Variants in SYNPR observed in about 807,000 individuals in gnomAD.
SYNPR encodes synaptoporin.
In SYNPR, 23 loss-of-function variants were observed where a neutral mutation model predicts 32.9. That is an observed-to-expected ratio of 0.70 (90% CI 0.50 to 0.99). SYNPR has a LOEUF of 0.99. SYNPR is among the 50% of genes least tolerant of loss of function. SYNPR has a pLI of 0.00. For synonymous variants in SYNPR, 146 were observed against 135.9 expected (o/e 1.07, Z -0.52); for missense variants, 318 against 349.3 (o/e 0.91, Z 0.71).
chr3:63,377,000 A>G (rs1216540015), intron 2 of SYNPR, among the ~76,000 whole-genome samples: 1 of 152,100 alleles, frequency 6.6e-6, no homozygotes, highest in East Asian at 1.9e-4. Context: ...CATGCCTTAC[A>G]CTAATTTCTC....
intron 2 of SYNPR, among the ~76,000 whole-genome samples, chr3:63,454,620 G>A (rs1356519570): frequency 1.3e-5 from 2 of 152,070 alleles, no homozygotes; most frequent in Admixed American, 1.3e-4. Flanking sequence ...ATAGGGATGT[G>A]GGAGACACAG....
intron 4 of SYNPR, 32 bp downstream of exon 4, chr3:63,556,773 C>T (rs1303741616): frequency 1.3e-6 from 2 of 1,559,880 alleles, no homozygotes; most frequent in African/African-American, 2.7e-5. Context: ...ATAACTTTTT[C>T]TGTTCCTTCT....
At chr3:63,307,241 G>A (rs2086917866) in intron 2 of SYNPR, among the ~76,000 whole-genome samples, 1 of 151,978 alleles carries the variant, frequency 6.6e-6, no homozygotes. Flanking sequence ...CAAGTTACAA[G>A]AATGAGCCAG....
Position 63,408,186 on chromosome 3 carries a change from G to GAAAGAA in SYNPR, c.85-72644_85-72639dup, listed in dbSNP as rs1553876918. The stretch of plus-strand genomic sequence containing the variant: ...AGAAAGAAAGAAAGAAAGAAAGAAA[G>GAAAGAA]AAAGAAAGAGGAAGGAAGGAAGGAA... On this transcript the variant is annotated intron_variant, in intron 2 of 5. Coordinates refer to ENST00000478300, the MANE Select transcript of SYNPR (RefSeq NM_001130003.2). Among the ~76,000 whole-genome samples the GAAAGAA allele has an allele frequency of 5.4e-4, 51 of 95,290 alleles. 2 individuals carry two copies. The highest frequency in any genetic ancestry group is 9.8e-4 in the Non-Finnish European group (47 of 47,978). 62.5% of individuals were successfully genotyped at this position (95,290 alleles called of 152,430 possible).
At chr3:63,262,028 A>C (rs79233372) in intron 2 of SYNPR, among the ~76,000 whole-genome samples, 1 of 9,294 alleles carries the variant, frequency 1.1e-4, no homozygotes, top group South Asian at 2.4e-3. Flanking sequence ...TAAGTATAAT[A>C]AAAAAAAAAA....
chr3:63,531,917 C>T (rs1465328576), intron 3 of SYNPR, among the ~76,000 whole-genome samples: 2 of 152,182 alleles, frequency 1.3e-5, no homozygotes, highest in Admixed American at 6.5e-5. Flanking sequence ...CATTTACCTA[C>T]TTCTATATGA....
At chr3:63,465,547 A>G (rs1392509738) in intron 2 of SYNPR, among the ~76,000 whole-genome samples, 2 of 152,072 alleles carry the variant, frequency 1.3e-5, no homozygotes, top group Non-Finnish European at 2.9e-5. Flanking sequence ...TTTAATGAAA[A>G]ATTTCAAACA....
chr3:63,540,960 C>CACACACACACACACACACACACAT (rs778647610), intron 3 of SYNPR, among the ~76,000 whole-genome samples: 1 of 147,882 alleles, frequency 6.8e-6, no homozygotes, highest in Admixed American at 6.9e-5. Context: ...CACACACACA[C>CACACACACACACACACACACACAT]ATATACATAG....
intron 3 of SYNPR, among the ~76,000 whole-genome samples, chr3:63,513,147 T>TCCCCCCCC (rs571099750): frequency 7.6e-6 from 1 of 131,956 alleles, no homozygotes; most frequent in African/African-American, 2.9e-5. Flanking sequence ...TCTCCACATA[T>TCCCCCCCC]CCCCCCCTCC....
chr3:63,502,462 A>T (rs1349870769), intron 3 of SYNPR, among the ~76,000 whole-genome samples: 1 of 152,120 alleles, frequency 6.6e-6, no homozygotes, highest in Non-Finnish European at 1.5e-5. Context: ...TACGGGTTTG[A>T]GTAAATGTAC....
At chr3:63,422,049 TTGCCACATAATGTAGGCTAA>T (rs1387496501) in intron 2 of SYNPR, among the ~76,000 whole-genome samples, 4 of 152,236 alleles carry the variant, frequency 2.6e-5, no homozygotes, top group African/African-American at 9.6e-5. Context: ...CTCTTCCCCT[TTGCCACATAATGTAGGCTAA>T]TCAGTGAGTG....
chr3:63,505,118 T>C (rs908580340), intron 3 of SYNPR, among the ~76,000 whole-genome samples: 21 of 152,178 alleles, frequency 1.4e-4, no homozygotes, highest in African/African-American at 4.8e-4. Context: ...GCTCCCACAC[T>C]GGGCCAGCAC....
At chr3:63,389,920 G>T (rs1174022694) in intron 2 of SYNPR, among the ~76,000 whole-genome samples, 1 of 152,188 alleles carries the variant, frequency 6.6e-6, no homozygotes, top group African/African-American at 2.4e-5. Flanking sequence ...ACTATAGGAG[G>T]TGCTCATTAA....
chr3:63,269,944 A>G (rs954935023), intron 3 of SYNPR, among the ~76,000 whole-genome samples: 2 of 152,216 alleles, frequency 1.3e-5, no homozygotes, highest in Non-Finnish European at 2.9e-5. Flanking sequence ...ACCTAATTTA[A>G]TCTAGAGCAT....
intron 3 of SYNPR, among the ~76,000 whole-genome samples, chr3:63,497,342 T>C (rs573396262): frequency 6.6e-6 from 1 of 152,322 alleles, no homozygotes; most frequent in East Asian, 1.9e-4. Context: ...TTCTAGTCCC[T>C]GTTTCCTCAC....
At chr3:63,205,425 T>C in the SYNPR span, among the ~76,000 whole-genome samples, 1 of 152,260 alleles carries the variant, frequency 6.6e-6, no homozygotes, top group South Asian at 2.1e-4. Flanking sequence ...CATGTAATAC[T>C]TAGCCTAGTG....
intron 2 of SYNPR, among the ~76,000 whole-genome samples, chr3:63,301,604 C>T (rs1377133259): frequency 3.3e-5 from 5 of 151,960 alleles, no homozygotes; most frequent in African/African-American, 1.2e-4. Flanking sequence ...TACTATTCCT[C>T]CACAAAAGTA....
intron 4 of SYNPR, among the ~76,000 whole-genome samples, chr3:63,558,475 G>C (rs1409305527): frequency 6.6e-6 from 1 of 152,060 alleles, no homozygotes; most frequent in African/African-American, 2.4e-5. Flanking sequence ...TGGGACAACA[G>C]GTGCATGCCA....
At chr3:63,339,225 C>T (rs2087333012) in intron 2 of SYNPR, among the ~76,000 whole-genome samples, 1 of 152,266 alleles carries the variant, frequency 6.6e-6, no homozygotes, top group Non-Finnish European at 1.5e-5. Context: ...TAGTGAGCAC[C>T]TACTATGTCC....
Sources: allele counts gnomAD v4.1 joint callset (sites outside exome capture counted in the v4.1 genomes callset), GRCh38; gene constraint gnomAD v4.1.1; transcripts MANE v1.5; gene names NCBI Gene and HGNC (gene_info 2026-07-23, HGNC 2026-07-21).